NOX5: variants seen among roughly 807,000 people sequenced by gnomAD.
NOX5 encodes NADPH oxidase 5.
A neutral mutation model predicts 85.7 loss-of-function variants in NOX5; 76 were observed. The ratio of observed to expected loss-of-function variants is 0.89; its 90% CI spans 0.74 to 1.07. The LOEUF is 1.07. Among genes scored for constraint, NOX5 ranks in the 50% least tolerant of loss-of-function variants. The probability of loss-of-function intolerance (pLI) is 0.00; values close to 1 mark genes in which losing one functional copy is unlikely to be tolerated. For missense variants in NOX5, 973 were observed against 999.5 expected (o/e 0.97, Z 0.36); for synonymous variants, 405 against 401.4 (o/e 1.01, Z -0.11).
intron 9 of NOX5, among the ~76,000 whole-genome samples, chr15:69,041,967 A>C (rs976701785): frequency 5.9e-5 from 9 of 152,004 alleles, no homozygotes; most frequent in Non-Finnish European, 2.9e-5. Flanking sequence ...TGACCCAGGG[A>C]AGCCAAAAGA....
intron 1 of NOX5, among the ~76,000 whole-genome samples, chr15:69,019,015 A>T (rs1356702797): frequency 6.6e-6 from 1 of 152,172 alleles, no homozygotes; most frequent in Non-Finnish European, 1.5e-5. Flanking sequence ...GGTGCATGCT[A>T]TCATGCCTGG....
At chr15:69,054,516 C>T (rs941866545) in intron 14 of NOX5, among the ~76,000 whole-genome samples, 5 of 152,224 alleles carry the variant, frequency 3.3e-5, no homozygotes, top group African/African-American at 9.6e-5. Flanking sequence ...TTTCTAGTCC[C>T]ATTTCCTTTT....
Position 69,059,730 on chromosome 15 carries a change from A to G in NOX5, c.*3034A>G, listed in dbSNP as rs1182842392. The G allele has an allele frequency of 6.6e-6, 1 of 152,220 alleles. No homozygotes were observed. The highest frequency in any genetic ancestry group is 1.5e-5 in the Non-Finnish European group (1 of 68,048). The allele number at this position is 152,220 out of a possible 1,614,324, so 9.4% of individuals were successfully genotyped here. ...TTTCCCAGATGTGCAGATGGGCATC[A>G]TCGGCCATCAACAGGAAAATGCATC... On this transcript the variant is annotated 3_prime_UTR_variant, in exon 16 of 16. Transcript: ENST00000388866.
rs759200679 is a variant in NOX5, at chr15:69,028,321, C to T, written c.281C>T (p.Pro94Leu). 61 of 1,612,744 alleles carry T rather than the reference C, an allele frequency of 3.8e-5. No homozygotes were observed. The highest frequency in any genetic ancestry group is 4.3e-5 in the Non-Finnish European group (51 of 1,179,376). The change falls in exon 3 of 16, where the codon CCC (proline) becomes CTC (leucine). Residue 94 changes from proline (P) to leucine (L), a missense_variant. Transcript: ENST00000388866. ...EALTLLIHGS[P>L]MDKLKFLFQV... ...CTGACCCTGCTCATCCATGGCAGCCCCATGGACAAACTCAAATTCCTCTTC... is the reference window on the plus strand; with the variant it reads ...CTGACCCTGCTCATCCATGGCAGCCTCATGGACAAACTCAAATTCCTCTTC...
At chr15:69,036,864 G>C (rs1333224935) in intron 7 of NOX5, among the ~76,000 whole-genome samples, 164 bp from the exon 8 acceptor site, 1 of 152,046 alleles carries the variant, frequency 6.6e-6, no homozygotes, top group Non-Finnish European at 1.5e-5. Context: ...CAAGCACCCA[G>C]AAAAAGAAGC....
intron 14 of NOX5, among the ~76,000 whole-genome samples, chr15:69,050,581 G>T (rs1475759836): frequency 6.6e-6 from 1 of 152,092 alleles, no homozygotes; most frequent in Non-Finnish European, 1.5e-5. Flanking sequence ...GTAGAGAGGG[G>T]TTTTACCATG....
intron 3 of NOX5, chr15:69,031,308 G>A (rs918593438): frequency 1.4e-5 from 8 of 583,808 alleles, no homozygotes; most frequent in South Asian, 4.7e-5. Flanking sequence ...GGGAGTTACC[G>A]ATTCTGGAGA....
At chr15:69,052,435 C>T (rs1458602292) in intron 14 of NOX5, among the ~76,000 whole-genome samples, 1 of 152,156 alleles carries the variant, frequency 6.6e-6, no homozygotes, top group African/African-American at 2.4e-5. Flanking sequence ...AAATGTTAAT[C>T]TGTTAAAGTC....
chr15:69,022,428 G>T, intron 1 of NOX5: 1 of 168,288 alleles, frequency 5.9e-6, no homozygotes, highest in Non-Finnish European at 1.3e-5. Context: ...GAATATCAAT[G>T]GGATCGTGAA....
In NOX5 at chr15:69,048,954, C is replaced by T. The variant is rs139975281; in HGVS notation, c.1900-5C>T. ...GCCTCTGAGCTGAAGGGCCTCTCTCCGTAGGTGGACTTTATCTGGATCAAC... is the reference window on the plus strand; with the variant it reads ...GCCTCTGAGCTGAAGGGCCTCTCTCTGTAGGTGGACTTTATCTGGATCAAC... On this transcript the variant is annotated splice_polypyrimidine_tract_variant and splice_region_variant and intron_variant, in intron 13 of 15. Transcript: ENST00000388866. The T allele has an allele frequency of 9.6e-5, 154 of 1,608,566 alleles. No individual in the cohort carries two copies. The highest frequency in any genetic ancestry group is 1.8e-4 in the Middle Eastern group (1 of 5,598).
intron 9 of NOX5, 44 bp from the exon 10 acceptor site, chr15:69,042,619 G>A (rs766405162): frequency 6.3e-7 from 1 of 1,587,272 alleles, no homozygotes; most frequent in Non-Finnish European, 8.6e-7. Context: ...CCTGGTGCCG[G>A]TCACTATGGA....
intron 14 of NOX5, among the ~76,000 whole-genome samples, chr15:69,054,906 G>A (rs2050792121): frequency 6.6e-6 from 1 of 152,062 alleles, no homozygotes. Flanking sequence ...CACTTCCCTG[G>A]GATGCATTTC....
chr15:69,061,818 A>G lies in NOX5; in HGVS notation c.*5122A>G, dbSNP rs1398797116. 1.3e-5 allele frequency: 2 copies of G among 152,212 alleles called. No individual in the cohort carries two copies. The highest frequency in any genetic ancestry group is 2.9e-5 in the Non-Finnish European group (2 of 68,040). The allele number at this position is 152,212 out of a possible 1,614,324, so 9.4% of individuals were successfully genotyped here. A position where few individuals can be genotyped will look rare whatever the true frequency, so the allele number is the denominator to read the frequency against. ...TGAGTGTAGCCTGCTGGAGAAACAA[A>G]GAAAGACAGGTAGTGAGTTTTAGTG... On this transcript the variant is annotated 3_prime_UTR_variant, in exon 16 of 16. Coordinates refer to ENST00000388866, the MANE Select transcript of NOX5 (RefSeq NM_024505.4).
intron 3 of NOX5, chr15:69,031,142 T>G: frequency 4.3e-6 from 1 of 233,878 alleles, no homozygotes; most frequent in Non-Finnish European, 8.3e-6. Context: ...AAACAGAGCA[T>G]TTGCTCCAAG....
At chr15:69,027,578 T>C (rs2050374583) in intron 2 of NOX5, among the ~76,000 whole-genome samples, 1 of 152,132 alleles carries the variant, frequency 6.6e-6, no homozygotes, top group Admixed American at 6.5e-5. Context: ...ACAGCATCTT[T>C]GGGACACCCA....
In NOX5 at chr15:69,048,834, TAAATGGG is replaced by T. The variant is rs1171977309; in HGVS notation, c.1900-124_1900-118del. On this transcript the variant is annotated intron_variant, in intron 13 of 15. Coordinates refer to ENST00000388866, the MANE Select transcript of NOX5 (RefSeq NM_024505.4). ...TATGAGCCTTGATTTTTCCCTCCCTTAAATGGGTATCTGAATGTTCCCTGCTTACTTC... is the reference window on the plus strand; with the variant it reads ...TATGAGCCTTGATTTTTCCCTCCCTTTATCTGAATGTTCCCTGCTTACTTC... The T allele has an allele frequency of 1.3e-4, 79 of 612,100 alleles. 1 individual carries two copies. In the South Asian group the frequency reaches 1.4e-3, roughly 11 times the overall value. 37.9% of individuals were successfully genotyped at this position (612,100 alleles called of 1,614,324 possible).
At chr15:69,044,676 A>G (rs1239570123) in intron 10 of NOX5, among the ~76,000 whole-genome samples, 1 of 152,236 alleles carries the variant, frequency 6.6e-6, no homozygotes, top group Admixed American at 6.5e-5. Flanking sequence ...TGCTCCATTT[A>G]TGTAAAAGTG....
Position 69,033,201 on chromosome 15 carries a change from A to T in NOX5, c.779A>T (p.His260Leu). 1 of 1,596,486 alleles carries T rather than the reference A, an allele frequency of 6.3e-7. No individual in the cohort carries two copies. Among genetic ancestry groups the T allele is most frequent in the Non-Finnish European group, 8.5e-7 (1 of 1,178,542 alleles). The change falls in exon 5 of 16, where the codon CAC becomes CTC. Residue 260 changes from histidine (H) to leucine (L), a missense_variant. Transcript: ENST00000388866. ...CTCTTCGGGCTGGCGGCCAGCGCGC[A>T]CCGGGACCTCGGCGCCAGCGTCATG... ...VLLFGLAASA[H>L]RDLGASVMVA...
At chr15:69,036,391 C>T (rs1181141828) in intron 7 of NOX5, among the ~76,000 whole-genome samples, 1 of 152,250 alleles carries the variant, frequency 6.6e-6, no homozygotes, top group African/African-American at 2.4e-5. Context: ...CATAGGTGCT[C>T]TGAAAATGTT....
Sources: allele counts gnomAD v4.1 joint callset (sites outside exome capture counted in the v4.1 genomes callset), GRCh38; gene constraint gnomAD v4.1.1; transcripts MANE v1.5; gene names NCBI Gene and HGNC (gene_info 2026-07-23, HGNC 2026-07-21).